SEMA5A: variants seen among roughly 807,000 people sequenced by gnomAD.
SEMA5A encodes semaphorin 5A.
A neutral mutation model predicts 135.5 loss-of-function variants in SEMA5A; 55 were observed. The observed-to-expected ratio is 0.41, with a 90% CI of 0.33 to 0.51. SEMA5A has a LOEUF of 0.51. Among genes scored for constraint, SEMA5A ranks in the 20% least tolerant of loss-of-function variants. SEMA5A has a pLI of 0.37. For missense variants in SEMA5A, 1,290 were observed against 1,419.9 expected (o/e 0.91, Z 1.47); for synonymous variants, 580 against 546.5 (o/e 1.06, Z -0.85).
Position 9,207,102 on chromosome 5 carries a change from GTATA to G in SEMA5A, c.647-4866_647-4863del, listed in dbSNP as rs70943947. On this transcript the variant is annotated intron_variant, in intron 8 of 22. Transcript: ENST00000382496. ...ACATAATGATAATGAATGATCAAGT[GTATA>G]TATATATATATATATATATATATAT... 2.0e-3 allele frequency among the ~76,000 whole-genome samples: 191 copies of G among 97,670 alleles called. 1 individual carries two copies. The highest frequency in any genetic ancestry group is 6.3e-3 in the South Asian group (15 of 2,396). The allele number at this position is 97,670 out of a possible 152,430, so 64.1% of individuals were successfully genotyped here.
At chr5:9,310,082 G>A (rs575281518) in intron 5 of SEMA5A, among the ~76,000 whole-genome samples, 85 of 152,124 alleles carry the variant, frequency 5.6e-4, no homozygotes, top group African/African-American at 2.0e-3. Flanking sequence ...ATCAATTCAG[G>A]AAATATTCAT....
In SEMA5A at chr5:9,224,745, G is replaced by A. The variant is rs1389409079; in HGVS notation, c.575C>T (p.Pro192Leu). The A allele has an allele frequency of 6.2e-7, 1 of 1,614,190 alleles. No homozygotes were observed. Among genetic ancestry groups the A allele is most frequent in the Admixed American group, 1.7e-5 (1 of 60,028 alleles). ...ATAMDFPGRDPAIYRSLGILP... is the reference protein window; with the variant it reads ...ATAMDFPGRDLAIYRSLGILP... Reference sequence around the variant, plus strand: ...AATGCCTAGGCTTCGGTAAATGGCAGGATCACGTCCTGGAAAATCCATGGC... The same window carrying A: ...AATGCCTAGGCTTCGGTAAATGGCAAGATCACGTCCTGGAAAATCCATGGC... Residue 192 changes from proline to leucine, a missense_variant, in exon 8 of 23, where the codon CCT (proline) becomes CTT (leucine). By Grantham distance (98) the Pro-to-Leu change is moderately conservative. Transcript: ENST00000382496.
At chr5:9,072,428 T>C (rs1432126445) in intron 16 of SEMA5A, among the ~76,000 whole-genome samples, 3 of 152,182 alleles carry the variant, frequency 2.0e-5, no homozygotes, top group Non-Finnish European at 4.4e-5. Context: ...ACGATTTCAA[T>C]TGAGTACAAA....
At chr5:9,453,785 C>A (rs1758734015) in intron 1 of SEMA5A, among the ~76,000 whole-genome samples, 1 of 152,076 alleles carries the variant, frequency 6.6e-6, no homozygotes. Flanking sequence ...ACCACATGCT[C>A]TCAATGATAA....
chr5:9,269,040 T>C (rs945022491), intron 5 of SEMA5A, among the ~76,000 whole-genome samples: 1 of 152,084 alleles, frequency 6.6e-6, no homozygotes, highest in Non-Finnish European at 1.5e-5. Flanking sequence ...GGTTGCAAGA[T>C]CTATAGGCTG....
intron 2 of SEMA5A, among the ~76,000 whole-genome samples, chr5:9,400,501 A>ATTTTTT (rs1215358817): frequency 2.5e-4 from 22 of 87,016 alleles, no homozygotes; most frequent in African/African-American, 4.6e-4. Context: ...CACAATGTAC[A>ATTTTTT]TTTTTTTTTT....
intron 11 of SEMA5A, among the ~76,000 whole-genome samples, chr5:9,159,190 T>A (rs547582687): frequency 6.6e-6 from 1 of 152,206 alleles, no homozygotes; most frequent in Non-Finnish European, 1.5e-5. Flanking sequence ...AGAACAGAAC[T>A]GATACATATT....
intron 5 of SEMA5A, among the ~76,000 whole-genome samples, chr5:9,239,932 T>C (rs948660639): frequency 6.6e-6 from 1 of 152,076 alleles, no homozygotes; most frequent in Non-Finnish European, 1.5e-5. Context: ...ATTTACCAAA[T>C]GCCATCAAAA....
chr5:9,121,869 A>T (rs367798694), intron 14 of SEMA5A, among the ~76,000 whole-genome samples: 9 of 152,084 alleles, frequency 5.9e-5, no homozygotes, highest in African/African-American at 2.2e-4. Flanking sequence ...CTACAATTTG[A>T]TCACCCAATC....
intron 15 of SEMA5A, among the ~76,000 whole-genome samples, chr5:9,110,830 C>T (rs1740198974): frequency 6.6e-6 from 1 of 152,082 alleles, no homozygotes; most frequent in Non-Finnish European, 1.5e-5. Flanking sequence ...TAGGTGGTAA[C>T]TATAGTCTCC....
intron 1 of SEMA5A, among the ~76,000 whole-genome samples, chr5:9,489,444 A>G (rs1169656392): frequency 6.6e-6 from 1 of 152,122 alleles, no homozygotes; most frequent in Non-Finnish European, 1.5e-5. Flanking sequence ...CTAGAAATGT[A>G]AGGTGGGAAG....
intron 5 of SEMA5A, among the ~76,000 whole-genome samples, chr5:9,252,020 A>G (rs1211608458): frequency 2.0e-5 from 3 of 152,302 alleles, no homozygotes; most frequent in East Asian, 1.9e-4. Context: ...AGGGTCCACA[A>G]TCTTAACCCA....
chr5:9,262,752 C>T (rs1391917201), intron 5 of SEMA5A, among the ~76,000 whole-genome samples: 3 of 95,188 alleles, frequency 3.2e-5, no homozygotes, highest in South Asian at 4.3e-4. Context: ...GTGGTGGGGT[C>T]GGGGGAGGGG....
At chr5:9,500,309 G>A (rs1003390784) in intron 1 of SEMA5A, among the ~76,000 whole-genome samples, 1 of 152,182 alleles carries the variant, frequency 6.6e-6, no homozygotes, top group South Asian at 2.1e-4. Flanking sequence ...TGATGGTGGG[G>A]CGGATGTCAT....
intron 8 of SEMA5A, among the ~76,000 whole-genome samples, chr5:9,206,488 G>T (rs982699003): frequency 6.6e-6 from 1 of 150,944 alleles, no homozygotes; most frequent in Non-Finnish European, 1.5e-5. Flanking sequence ...TTGAGATTTC[G>T]ACCACGCAAA....
Position 9,224,858 on chromosome 5 carries a change from C to T in SEMA5A, c.462G>A (p.Gln154=), listed in dbSNP as rs757333630. ...AGGGACAGCGGGCCATGCCACTGAT[C>T]TGATCATGGATCTCAGTCAGGTTGC... ...SLSNLTEIHD[Q]ISGMARCPYS... The change falls in exon 8 of 23, where the codon CAG becomes CAA. Residue 154 remains glutamine, a synonymous_variant. Transcript: ENST00000382496. 31 of 1,613,584 alleles carry T rather than the reference C, an allele frequency of 1.9e-5. No individual in the cohort carries two copies. Among genetic ancestry groups the T allele is most frequent in the Admixed American group, 8.3e-5 (5 of 59,994 alleles).
At chr5:9,293,528 G>A (rs1392377087) in intron 5 of SEMA5A, among the ~76,000 whole-genome samples, 2 of 152,184 alleles carry the variant, frequency 1.3e-5, no homozygotes, top group Non-Finnish European at 2.9e-5. Flanking sequence ...TGGACAATCA[G>A]TAATTGCTGC....
chr5:9,468,855 A>G (rs544134191), intron 1 of SEMA5A, among the ~76,000 whole-genome samples: 1 of 152,318 alleles, frequency 6.6e-6, no homozygotes, highest in East Asian at 1.9e-4. Context: ...GGATTCATAC[A>G]TATTTAAAGC....
intron 2 of SEMA5A, among the ~76,000 whole-genome samples, chr5:9,417,695 C>T (rs967741265): frequency 3.9e-5 from 6 of 152,238 alleles, no homozygotes; most frequent in African/African-American, 1.2e-4. Flanking sequence ...CCGATCAGCA[C>T]ATCCCTTGCC....
Sources: gnomAD v4.1 joint callset for allele counts (sites outside exome capture counted in the v4.1 genomes callset) on GRCh38, gnomAD v4.1.1 for gene constraint, MANE v1.5 for transcripts, NCBI Gene and HGNC (gene_info 2026-07-23, HGNC 2026-07-21) for gene names.